The following NF1 variants were observed in gnomAD, a reference collection of about 807,000 sequenced individuals.
The protein encoded by NF1 is neurofibromin.
Under a neutral mutation model 325.7 loss-of-function variants are expected in NF1, and 122 were observed. That is an observed-to-expected ratio of 0.37 (90% CI 0.32 to 0.44). The LOEUF is 0.44. Among genes scored for constraint, NF1 ranks in the 20% least tolerant of loss-of-function variants. The pLI is 1.00. For missense variants in NF1, 2,140 were observed against 3,415.4 expected (o/e 0.63, Z 9.31); for synonymous variants, 1,091 against 1,186.0 (o/e 0.92, Z 1.65).
intron 30 of NF1, chr17:31,252,189 G>A (rs972941649): frequency 9.7e-6 from 2 of 206,246 alleles, no homozygotes. Context: ...GTTTTAAGCA[G>A]GCCTACAGTT....
At chr17:31,363,936 TC>T (rs1250581630) in intron 57 of NF1, among the ~76,000 whole-genome samples, 1 of 151,096 alleles carries the variant, frequency 6.6e-6, no homozygotes, top group Non-Finnish European at 1.5e-5. Context: ...AAACCCGGTT[TC>T]CCCATGTTGA....
At chr17:31,250,452 C>G (rs913255313) in intron 30 of NF1, 1 of 209,258 alleles carries the variant, frequency 4.8e-6, no homozygotes, top group African/African-American at 2.3e-5. Context: ...TTTCAGAGAG[C>G]AAGTGGGTTT....
At chr17:31,227,055 A>G (rs747895472) in intron 18 of NF1, among the ~76,000 whole-genome samples, 163 bp from the exon 19 acceptor site, 1 of 152,206 alleles carries the variant, frequency 6.6e-6, no homozygotes, top group Non-Finnish European at 1.5e-5. Context: ...AGAGTCCAAG[A>G]TAAGTACCTT....
chr17:31,266,751 A>ATTTTTTTT (rs2067797122), intron 36 of NF1, among the ~76,000 whole-genome samples: 1 of 147,808 alleles, frequency 6.8e-6, no homozygotes, highest in Non-Finnish European at 1.5e-5. Flanking sequence ...TTTTTTTCGG[A>ATTTTTTTT]ATCAGAAACT....
At chr17:31,225,066 G>T (rs770161967) in intron 16 of NF1, 29 bp from the exon 17 acceptor site, 19 of 1,611,546 alleles carry the variant, frequency 1.2e-5, no homozygotes. Flanking sequence ...CAGTGCTTCA[G>T]TAAAGCTTAT....
At chr17:31,300,463 A>C (rs953607781) in intron 36 of NF1, among the ~76,000 whole-genome samples, 1 of 152,070 alleles carries the variant, frequency 6.6e-6, no homozygotes, top group Non-Finnish European at 1.5e-5. Context: ...GTATCACTCC[A>C]TATCAGTATA....
intron 2 of NF1, 147 bp from the exon 3 acceptor site, chr17:31,158,863 C>G: frequency 1.8e-6 from 1 of 547,410 alleles, no homozygotes; most frequent in Non-Finnish European, 3.3e-6. Flanking sequence ...AGGATAAAAT[C>G]AGAAATAATA....
rs2151426153 is a variant in NF1, at chr17:31,226,676, T to C, written c.2243T>C (p.Met748Thr). 6.2e-7 allele frequency: 1 copy of C among 1,613,798 alleles called. No individual in the cohort carries two copies. The highest frequency in any genetic ancestry group is 8.5e-7 in the Non-Finnish European group (1 of 1,179,764). ...FMEFASVSNM[M>T]STGRAALQKR... ...GAGTTTGCCTCTGTCAGCAATATGA[T>C]GTCAACAGGTAAATGTGAATAGTGG... The change falls in exon 18 of 58, where the codon ATG (methionine) becomes ACG (threonine). Residue 748 changes from methionine (M) to threonine (T), a missense_variant. Transcript: ENST00000358273.
intron 3 of NF1, among the ~76,000 whole-genome samples, chr17:31,161,907 A>C (rs148512043): frequency 6.6e-6 from 1 of 151,778 alleles, no homozygotes; most frequent in Non-Finnish European, 1.5e-5. Context: ...GTGGTGGCAC[A>C]TGTCTGTAGT....
chr17:31,313,706 A>C (rs1176062230), intron 36 of NF1, among the ~76,000 whole-genome samples: 2 of 97,650 alleles, frequency 2.0e-5, no homozygotes, highest in African/African-American at 1.6e-4. Context: ...ACTCTATCTC[A>C]AAAAAAAAAA....
chr17:31,364,173 A>G (rs987623605), intron 57 of NF1, among the ~76,000 whole-genome samples: 1 of 152,170 alleles, frequency 6.6e-6, no homozygotes, highest in African/African-American at 2.4e-5. Context: ...CCTTATCTCC[A>G]TTCCCAGCAG....
At chr17:31,156,642 G>T (rs2065668127) in intron 2 of NF1, among the ~76,000 whole-genome samples, 1 of 152,120 alleles carries the variant, frequency 6.6e-6, no homozygotes, top group Non-Finnish European at 1.5e-5. Flanking sequence ...AGATTCTGTA[G>T]TAGTTACCCT....
chr17:31,166,884 G>T (rs575005537), intron 4 of NF1, among the ~76,000 whole-genome samples: 3 of 152,054 alleles, frequency 2.0e-5, no homozygotes, highest in African/African-American at 7.2e-5. Flanking sequence ...TGCAGGGCTG[G>T]GTCATGTACT....
chr17:31,359,469 T>A lies in NF1; in HGVS notation c.8160+454T>A, dbSNP rs1194950815. 7.8e-5 allele frequency: 15 copies of A among 191,872 alleles called. No individual in the cohort carries two copies. The Admixed American group carries it at 8.4e-4, about 11-fold the overall frequency. 11.9% of individuals were successfully genotyped at this position (191,872 alleles called of 1,614,324 possible). A position where few individuals can be genotyped will look rare whatever the true frequency, so the allele number is the denominator to read the frequency against. On this transcript the variant is annotated intron_variant, in intron 56 of 57. Transcript: ENST00000358273. ...CTTATTCAGTTTTTTTGTTTGTTTGTTTGTTTTGTGAGACGGAGTCTCACT... is the reference window on the plus strand; with the variant it reads ...CTTATTCAGTTTTTTTGTTTGTTTGATTGTTTTGTGAGACGGAGTCTCACT...
chr17:31,172,348 T>G (rs2065941937), intron 5 of NF1, among the ~76,000 whole-genome samples: 1 of 140,520 alleles, frequency 7.1e-6, no homozygotes, highest in African/African-American at 2.7e-5. Flanking sequence ...TCTCTGTCTC[T>G]CTGTCTCTCT....
At chr17:31,232,905 A>G (rs778146377) in intron 26 of NF1, 24 bp downstream of exon 26, 5 of 1,613,986 alleles carry the variant, frequency 3.1e-6, no homozygotes, top group African/African-American at 1.3e-5. Flanking sequence ...AAAGTTTCAT[A>G]TAGAAATACA....
intron 29 of NF1, 116 bp from the exon 30 acceptor site, chr17:31,248,868 A>G: frequency 8.5e-6 from 8 of 936,716 alleles, no homozygotes; most frequent in Middle Eastern, 2.4e-4. Context: ...AAAGATTCCA[A>G]TGAAGTCTAC....
chr17:31,181,933 T>C (rs2066145249), intron 7 of NF1, 148 bp downstream of exon 7: 1 of 667,060 alleles, frequency 1.5e-6, no homozygotes, highest in East Asian at 2.7e-5. Context: ...GGAAATACTG[T>C]TTTTCTCTTA....
At position 31,334,825 on chromosome 17, in the gene NF1, TA is replaced by T; in HGVS notation, c.5813-12del. On this transcript the variant is annotated splice_polypyrimidine_tract_variant and intron_variant, in intron 39 of 57. Coordinates refer to ENST00000358273, the MANE Select transcript of NF1 (RefSeq NM_001042492.3). Reference sequence around the variant, plus strand: ...CATTGACCATCACATGCTAATAGTGTATTTTTTTCCAGGTATTGAATTGAAA... The same window carrying T: ...CATTGACCATCACATGCTAATAGTGTTTTTTTTCCAGGTATTGAATTGAAA... 6.2e-7 allele frequency: 1 copy of T among 1,601,994 alleles called. No homozygotes were observed. The highest frequency in any genetic ancestry group is 8.6e-7 in the Non-Finnish European group (1 of 1,169,080).
Sources: gnomAD v4.1 joint callset for allele counts (sites outside exome capture counted in the v4.1 genomes callset) on GRCh38, gnomAD v4.1.1 for gene constraint, MANE v1.5 for transcripts, NCBI Gene and HGNC (gene_info 2026-07-23, HGNC 2026-07-21) for gene names.